The following CSMD1 variants were observed in gnomAD, a reference collection of about 807,000 sequenced individuals.
CSMD1 encodes the protein CUB and Sushi multiple domains 1.
Under a neutral mutation model 417.5 loss-of-function variants are expected in CSMD1, and 213 were observed. The observed-to-expected ratio is 0.51, with a 90% CI of 0.46 to 0.57. CSMD1 has a LOEUF of 0.57. CSMD1 is among the 20% of genes least tolerant of loss of function. The probability of loss-of-function intolerance (pLI) is 0.00; values close to 1 mark genes in which losing one functional copy is unlikely to be tolerated. For synonymous variants in CSMD1, 2,862 were observed against 1,736.8 expected (o/e 1.65, Z -16.11); for missense variants, 6,923 against 4,529.7 (o/e 1.53, Z -15.17).
intron 1 of CSMD1, among the ~76,000 whole-genome samples, chr8:4,977,377 T>G (rs4242498): frequency 1.2e-4 from 19 of 152,122 alleles, no homozygotes; most frequent in African/African-American, 4.6e-4. Context: ...GCAGCTCTCC[T>G]CATGGCACAA....
chr8:4,312,163 T>C (rs549920679), intron 3 of CSMD1, among the ~76,000 whole-genome samples: 1 of 151,856 alleles, frequency 6.6e-6, no homozygotes, highest in Non-Finnish European at 1.5e-5. Flanking sequence ...GCTTCCTACG[T>C]GCATTTAGTC....
rs528688845 is a variant in CSMD1 at position 4,722,936 on chromosome 8, G to C, written c.86-85378C>G. 9.2e-5 allele frequency among the ~76,000 whole-genome samples: 14 copies of C among 152,208 alleles called. No individual in the cohort carries two copies. In the East Asian group the frequency reaches 2.5e-3, roughly 27 times the overall value. ...TTTCTATATCCAGCTGATCTTTTCA[G>C]ATCTAAGCTCGGTGGGGTTTCAGCT... On this transcript the variant is annotated intron_variant, in intron 1 of 69. Transcript: ENST00000635120.
intron 2 of CSMD1, among the ~76,000 whole-genome samples, chr8:4,423,079 A>G (rs1349345440): frequency 6.6e-6 from 1 of 152,092 alleles, no homozygotes; most frequent in African/African-American, 2.4e-5. Flanking sequence ...AAAAAAGCCT[A>G]AAGATAACAT....
rs145419736 is a variant in CSMD1, at chr8:4,960,401, C to T, written c.85+33931G>A. Among the ~76,000 whole-genome samples, 644 of 152,242 alleles carry T rather than the reference C, an allele frequency of 4.2e-3. 4 individuals carry two copies. The highest frequency in any genetic ancestry group is 0.014 in the African/African-American group (601 of 41,558). The stretch of plus-strand genomic sequence containing the variant: ...AAATTTGAGAGAGCTGGCAAGCTAC[C>T]GATCTCACTCTTCTTTCCCACTGTT... On this transcript the variant is annotated intron_variant, in intron 1 of 69. Transcript: ENST00000635120.
Position 4,658,132 on chromosome 8 carries a change from C to T in CSMD1, c.86-20574G>A, listed in dbSNP as rs116600707. On this transcript the variant is annotated intron_variant, in intron 1 of 69. Coordinates refer to ENST00000635120, the MANE Select transcript of CSMD1 (RefSeq NM_033225.6). The stretch of plus-strand genomic sequence containing the variant: ...GCACCATGAAACATAACAATATATG[C>T]ATAATAAAAAATCCAAAAGGGAAGG... 9.8e-3 allele frequency among the ~76,000 whole-genome samples: 1,494 copies of T among 151,700 alleles called. 29 individuals are homozygous for T. Among genetic ancestry groups the T allele is most frequent in the African/African-American group, 0.033 (1,365 of 41,380 alleles).
At chr8:4,968,773 T>A (rs1453012240) in intron 1 of CSMD1, among the ~76,000 whole-genome samples, 1 of 152,028 alleles carries the variant, frequency 6.6e-6, no homozygotes, top group Non-Finnish European at 1.5e-5. Flanking sequence ...TTACCAAAAA[T>A]AATAAAAATA....
chr8:4,007,392 C>T (rs544560384), intron 4 of CSMD1, among the ~76,000 whole-genome samples: 1 of 152,298 alleles, frequency 6.6e-6, no homozygotes, highest in African/African-American at 2.4e-5. Flanking sequence ...GGGGCCAGGG[C>T]ACCTATGTTC....
chr8:4,390,497 T>TTTTTTTATTTATTTA (rs58291340), intron 3 of CSMD1, among the ~76,000 whole-genome samples: 2,156 of 140,310 alleles, frequency 0.015, 70 homozygotes, highest in African/African-American at 0.046. Context: ...AAGCGTCCAT[T>TTTTTTTATTTATTTA]TTTATTTATT....
intron 1 of CSMD1, among the ~76,000 whole-genome samples, chr8:4,895,949 C>A (rs1804452989): frequency 6.6e-6 from 1 of 151,998 alleles, no homozygotes; most frequent in Admixed American, 6.6e-5. Context: ...CATCATCCCT[C>A]CATTTTCAGA....
intron 3 of CSMD1, among the ~76,000 whole-genome samples, chr8:4,414,571 T>A (rs1380662620): frequency 6.6e-6 from 1 of 152,158 alleles, no homozygotes; most frequent in African/African-American, 2.4e-5. Context: ...GATCATATAA[T>A]CTCTTTATCT....
chr8:3,875,842 G>A (rs573876754), intron 5 of CSMD1, among the ~76,000 whole-genome samples: 3 of 152,274 alleles, frequency 2.0e-5, no homozygotes, highest in South Asian at 4.1e-4. Context: ...GATCAATCAA[G>A]GATTGCCTTT....
chr8:3,850,249 G>A (rs114624490), intron 5 of CSMD1, among the ~76,000 whole-genome samples: 1 of 152,290 alleles, frequency 6.6e-6, no homozygotes, highest in South Asian at 2.1e-4. Flanking sequence ...AAAACCAATA[G>A]GTAAGTCCAA....
rs1554430782 is a variant in CSMD1, at chr8:3,772,355, TTATA to T, written c.819-18317_819-18314del. Among the ~76,000 whole-genome samples, 2 of 86,392 alleles carry T rather than the reference TTATA, an allele frequency of 2.3e-5. 1 individual carries two copies. Among genetic ancestry groups the T allele is most frequent in the Non-Finnish European group, 5.3e-5 (2 of 37,892 alleles). 56.7% of individuals were successfully genotyped at this position (86,392 alleles called of 152,430 possible). A position where few individuals can be genotyped will look rare whatever the true frequency, so the allele number is the denominator to read the frequency against. ...TTTAGACATACATATATACATATAT[TTATA>T]TATACATATATACATATATTCATAT... On this transcript the variant is annotated intron_variant, in intron 5 of 69. Coordinates refer to ENST00000635120, the MANE Select transcript of CSMD1 (RefSeq NM_033225.6).
Position 3,772,402 on chromosome 8 carries a change from T to C in CSMD1, c.819-18360A>G, listed in dbSNP as rs1199080454. ...ATTCATATATTTATATATACACATA[T>C]ATACATATATTTATATATACACATA... On this transcript the variant is annotated intron_variant, in intron 5 of 69. Coordinates refer to ENST00000635120, the MANE Select transcript of CSMD1 (RefSeq NM_033225.6). Among the ~76,000 whole-genome samples the C allele has an allele frequency of 1.2e-4, 17 of 140,710 alleles. 3 individuals carry two copies. The highest frequency in any genetic ancestry group is 4.2e-4 in the African/African-American group (16 of 38,144). The allele number at this position is 140,710 out of a possible 152,430, so 92.3% of individuals were successfully genotyped here. A position where few individuals can be genotyped will look rare whatever the true frequency, so the allele number is the denominator to read the frequency against.
intron 12 of CSMD1, among the ~76,000 whole-genome samples, chr8:3,411,825 T>TACAC (rs1260679977): frequency 3.1e-5 from 2 of 64,222 alleles, no homozygotes; most frequent in Non-Finnish European, 6.1e-5. Flanking sequence ...TACGTGTATA[T>TACAC]GTATATATGC....
intron 6 of CSMD1, among the ~76,000 whole-genome samples, chr8:3,748,824 A>C (rs1044402421): frequency 1.3e-5 from 2 of 152,232 alleles, no homozygotes; most frequent in Non-Finnish European, 2.9e-5. Flanking sequence ...GTTATAGGGA[A>C]CTATAACCTA....
At chr8:4,202,349 G>T (rs995520222) in intron 3 of CSMD1, among the ~76,000 whole-genome samples, 8 of 152,206 alleles carry the variant, frequency 5.3e-5, no homozygotes, top group South Asian at 4.1e-4. Flanking sequence ...GCATTTTAAT[G>T]TCTTCATGTA....
intron 3 of CSMD1, among the ~76,000 whole-genome samples, chr8:4,054,857 T>G (rs531571249): frequency 6.6e-6 from 1 of 152,180 alleles, no homozygotes; most frequent in Non-Finnish European, 1.5e-5. Context: ...TTGGAGAGAA[T>G]GTATTGAAAT....
intron 3 of CSMD1, among the ~76,000 whole-genome samples, chr8:4,377,182 G>C (rs939089105): frequency 1.3e-5 from 2 of 152,106 alleles, no homozygotes; most frequent in African/African-American, 2.4e-5. Flanking sequence ...GCATGGAATT[G>C]ATTACACATC....
Sources: gnomAD v4.1 joint callset for allele counts (sites outside exome capture counted in the v4.1 genomes callset) on GRCh38, gnomAD v4.1.1 for gene constraint, MANE v1.5 for transcripts, NCBI Gene and HGNC (gene_info 2026-07-23, HGNC 2026-07-21) for gene names.